The following TIAM2 variants were observed in gnomAD, a reference collection of about 807,000 sequenced individuals.
TIAM2 encodes rho guanine nucleotide exchange factor TIAM2.
TIAM2 carries 80 observed loss-of-function variants against 152.9 expected under a neutral mutation model. That is an observed-to-expected ratio of 0.52 (90% CI 0.44 to 0.63). The LOEUF (loss-of-function observed/expected upper bound fraction) is 0.63, where lower values mean the gene tolerates loss of function less well. TIAM2 is among the 30% of genes least tolerant of loss of function. The probability of loss-of-function intolerance (pLI) is 0.00; values close to 1 mark genes in which losing one functional copy is unlikely to be tolerated. For missense variants in TIAM2, 1,965 were observed against 2,120.1 expected (o/e 0.93, Z 1.44); for synonymous variants, 804 against 838.0 (o/e 0.96, Z 0.70).
intron 9 of TIAM2, 27 bp downstream of exon 9, chr6:155,165,436 G>C (rs761117271): frequency 6.3e-7 from 1 of 1,587,426 alleles, no homozygotes; most frequent in Admixed American, 1.9e-5. Flanking sequence ...GGGAACAGCA[G>C]ACTAGAGTGA....
At chr6:155,146,471 G>T (rs1229438256) in intron 6 of TIAM2, among the ~76,000 whole-genome samples, 1 of 152,128 alleles carries the variant, frequency 6.6e-6, no homozygotes, top group Non-Finnish European at 1.5e-5. Flanking sequence ...AATGTGTGTG[G>T]TTATTTCTAG....
At chr6:155,092,662 T>A (rs1294602369) in intron 2 of TIAM2, among the ~76,000 whole-genome samples, 1 of 151,690 alleles carries the variant, frequency 6.6e-6, no homozygotes, top group Non-Finnish European at 1.5e-5. Context: ...TCAAGACCAG[T>A]CTGACCAACA....
rs147619223 is a variant in TIAM2 at position 155,158,230 on chromosome 6, T to TA, written c.2029-6176dup. On this transcript the variant is annotated intron_variant, in intron 7 of 26. Transcript: ENST00000682666. ...TGGCAGGAATGTACTTGTCATCTTT[T>TA]AAAAAAAAATCATTATTCATTTGTT... Among the ~76,000 whole-genome samples the TA allele has an allele frequency of 1.2e-3, 183 of 151,910 alleles. 1 individual carries two copies. In the East Asian group the frequency reaches 0.017, roughly 14 times the overall value.
chr6:155,249,699 G>C, intron 20 of TIAM2, 152 bp from the exon 21 acceptor site: 1 of 547,710 alleles, frequency 1.8e-6, no homozygotes, highest in South Asian at 2.7e-5. Context: ...GGGCTACAGT[G>C]GGCTGTTGTG....
In TIAM2 at chr6:155,218,922, GTGTT is replaced by G; in HGVS notation, c.3168+7616_3168+7619del. Among the ~76,000 whole-genome samples the G allele has an allele frequency of 6.7e-6, 1 of 148,424 alleles. No individual in the cohort carries two copies. The highest frequency in any genetic ancestry group is 2.5e-5 in the African/African-American group (1 of 39,914). On this transcript the variant is annotated intron_variant, in intron 15 of 26. Transcript: ENST00000682666. The surrounding 1 kb of genome is among the most constrained non-coding windows in gnomAD (Gnocchi z 4.5). ...ACCCGTGTTCTTGACCATCTCAGCC[GTGTT>G]CTTGACCATCTCAGCCGCCCACCCG...
intron 14 of TIAM2, among the ~76,000 whole-genome samples, chr6:155,205,168 C>A (rs1001326763): frequency 9.6e-6 from 1 of 103,682 alleles, no homozygotes; most frequent in Non-Finnish European, 1.8e-5. Context: ...ATAGCAACTA[C>A]CATTATTAAT....
intron 14 of TIAM2, among the ~76,000 whole-genome samples, chr6:155,201,518 A>G (rs2115187363): frequency 6.6e-6 from 1 of 152,042 alleles, no homozygotes; most frequent in East Asian, 1.9e-4. Context: ...TTGACTGTGT[A>G]TTTTTCACTG....
chr6:155,034,045 CTTT>C (rs11333263), intron 1 of TIAM2, among the ~76,000 whole-genome samples: 2 of 146,086 alleles, frequency 1.4e-5, no homozygotes, highest in African/African-American at 2.5e-5. Context: ...TGTTGCTTAC[CTTT>C]TTTTTTTTTT....
At position 155,213,631 on chromosome 6, in the gene TIAM2, G is replaced by A. The variant is rs1031822869; in HGVS notation, c.3168+2324G>A. On this transcript the variant is annotated intron_variant, in intron 15 of 26. Coordinates refer to ENST00000682666, the MANE Select transcript of TIAM2 (RefSeq NM_012454.4). This position sits in a 1 kb window ranked among gnomAD's most constrained non-coding sequence, Gnocchi z 4.2. ...TCAGGCCTTCCCCGGCTTGAAAGTG[G>A]GGCTTTTCTGGGGACCCACTCCTTT... is the stretch of plus-strand genomic sequence containing the variant. Among the ~76,000 whole-genome samples the A allele has an allele frequency of 6.6e-6, 1 of 152,198 alleles. No individual in the cohort carries two copies. The highest frequency in any genetic ancestry group is 1.5e-5 in the Non-Finnish European group (1 of 68,032).
At chr6:155,068,077 G>A (rs1777744391) in intron 1 of TIAM2, among the ~76,000 whole-genome samples, 2 of 152,192 alleles carry the variant, frequency 1.3e-5, no homozygotes, top group Non-Finnish European at 2.9e-5. Context: ...TAACATCTTA[G>A]TATAGACAGT....
At chr6:155,061,739 A>G (rs546028894) in intron 1 of TIAM2, among the ~76,000 whole-genome samples, 3 of 152,254 alleles carry the variant, frequency 2.0e-5, no homozygotes, top group African/African-American at 7.2e-5. Flanking sequence ...TGTGTCATAT[A>G]TTTCCAGCGA....
At chr6:155,116,230 T>A (rs939020719) in intron 2 of TIAM2, among the ~76,000 whole-genome samples, 4 of 152,226 alleles carry the variant, frequency 2.6e-5, no homozygotes, top group Non-Finnish European at 4.4e-5. Context: ...ATATGTTGTT[T>A]TTTTTCCTGA....
intron 1 of TIAM2, among the ~76,000 whole-genome samples, chr6:155,028,645 A>G (rs1776698137): frequency 7.4e-6 from 1 of 134,798 alleles, no homozygotes; most frequent in Non-Finnish European, 1.5e-5. Context: ...TGTTATATAT[A>G]TACTACATAT....
chr6:155,010,687 G>A (rs1349720577), intron 1 of TIAM2, among the ~76,000 whole-genome samples: 1 of 152,028 alleles, frequency 6.6e-6, no homozygotes, highest in Non-Finnish European at 1.5e-5. Flanking sequence ...CCAACCTCAG[G>A]TGATCCGCCC....
At chr6:155,166,335 T>C (rs1442038845) in intron 9 of TIAM2, among the ~76,000 whole-genome samples, 1 of 124,148 alleles carries the variant, frequency 8.1e-6, no homozygotes, top group African/African-American at 2.7e-5. Context: ...TTTTTTTTTC[T>C]TTTTTTGAGA....
At chr6:155,079,307 C>T (rs977521639) in intron 1 of TIAM2, among the ~76,000 whole-genome samples, 6 of 152,176 alleles carry the variant, frequency 3.9e-5, no homozygotes, top group Admixed American at 6.5e-5. Flanking sequence ...GGTAATCTTC[C>T]GGCCTTGGCC....
chr6:155,076,257 C>T (rs151009172), intron 1 of TIAM2, among the ~76,000 whole-genome samples: 9 of 152,088 alleles, frequency 5.9e-5, no homozygotes, highest in East Asian at 1.9e-4. Context: ...CCTGACATCT[C>T]GGCTCAAATT....
chr6:155,192,700 G>T (rs993079052), intron 14 of TIAM2, among the ~76,000 whole-genome samples: 1 of 151,048 alleles, frequency 6.6e-6, no homozygotes, highest in Non-Finnish European at 1.5e-5. Flanking sequence ...TCTTTAATGT[G>T]CATCTTAATA....
intron 15 of TIAM2, among the ~76,000 whole-genome samples, chr6:155,236,579 C>G (rs1433198830): frequency 6.6e-6 from 1 of 152,134 alleles, no homozygotes; most frequent in Non-Finnish European, 1.5e-5. Flanking sequence ...AGGAGAATTG[C>G]TTGCACCCGG....
Sources: allele counts gnomAD v4.1 joint callset (sites outside exome capture counted in the v4.1 genomes callset), GRCh38; gene constraint gnomAD v4.1.1; non-coding constraint Gnocchi (gnomAD v3.1); transcripts MANE v1.5; gene names NCBI Gene and HGNC (gene_info 2026-07-23, HGNC 2026-07-21).